Variants in PTGES3L observed in about 807,000 individuals in gnomAD.
PTGES3L encodes the protein prostaglandin E synthase 3 like, also known as putative protein PTGES3L.
A neutral mutation model predicts 25.0 loss-of-function variants in PTGES3L; 17 were observed. The observed-to-expected ratio is 0.68, with a 90% CI of 0.47 to 1.02. The LOEUF (loss-of-function observed/expected upper bound fraction) is 1.02. Ranked by LOEUF, PTGES3L falls within the 50% of genes least tolerant of loss-of-function variation. The pLI is 0.00. For missense variants in PTGES3L, 202 were observed against 197.5 expected (o/e 1.02, Z -0.14); for synonymous variants, 59 against 65.7 (o/e 0.90, Z 0.50).
intron 1 of PTGES3L, 29 bp downstream of exon 1, chr17:42,980,016 AG>A: frequency 6.5e-7 from 1 of 1,543,720 alleles, no homozygotes. Flanking sequence ...GAAAAGGGCC[AG>A]GGGGAGCACC....
rs1022824133 is a variant in PTGES3L at position 42,968,725 on chromosome 17, G to C, written c.*423C>G. 6.3e-6 allele frequency: 1 copy of C among 157,542 alleles called. No individual in the cohort carries two copies. Among genetic ancestry groups the C allele is most frequent in the Non-Finnish European group, 1.4e-5 (1 of 71,824 alleles). The allele number at this position is 157,542 out of a possible 1,614,324, so 9.8% of individuals were successfully genotyped here. A position where few individuals can be genotyped will look rare whatever the true frequency, so the allele number is the denominator to read the frequency against. On this transcript the variant is annotated 3_prime_UTR_variant, in exon 7 of 7. Coordinates refer to ENST00000591916, the MANE Select transcript of PTGES3L (RefSeq NM_001261430.2). ...TAAGTACAAGAAGGAAACAGACAGA[G>C]AACAGTTCCTAGAGATTTATTATAA...
At chr17:42,974,251 T>C (rs974462717) in intron 4 of PTGES3L, among the ~76,000 whole-genome samples, 1 of 151,062 alleles carries the variant, frequency 6.6e-6, no homozygotes, top group Non-Finnish European at 1.5e-5. Flanking sequence ...TCCCAGCTAC[T>C]TGGGAGGCTG....
At chr17:42,973,772 T>C (rs1467045867) in intron 4 of PTGES3L, among the ~76,000 whole-genome samples, 1 of 149,456 alleles carries the variant, frequency 6.7e-6, no homozygotes, top group African/African-American at 2.5e-5. Flanking sequence ...AGATGTGCTT[T>C]GTTAAACAGA....
At chr17:42,969,676 ACAGGCGTGAGCCAC>A (rs1191750705) in intron 6 of PTGES3L, among the ~76,000 whole-genome samples, 2 of 151,462 alleles carry the variant, frequency 1.3e-5, no homozygotes, top group Admixed American at 6.6e-5. Flanking sequence ...TGCTGGGATT[ACAGGCGTGAGCCAC>A]CACACCCACC....
intron 5 of PTGES3L, among the ~76,000 whole-genome samples, 189 bp from the exon 6 acceptor site, chr17:42,970,531 T>C (rs1296102060): frequency 6.6e-6 from 1 of 152,152 alleles, no homozygotes; most frequent in Non-Finnish European, 1.5e-5. Context: ...TTAACACAAA[T>C]CCAGATTGGA....
At position 42,980,027 on chromosome 17, in the gene PTGES3L, C is replaced by A; in HGVS notation, c.8+19G>T. The stretch of plus-strand genomic sequence containing the variant: ...CAGGGAAAAGGGCCAGGGGGAGCAC[C>A]GGAGCCGGAAACACTCACCGTGCCA... On this transcript the variant is annotated intron_variant, in intron 1 of 6. Coordinates refer to ENST00000591916, the MANE Select transcript of PTGES3L (RefSeq NM_001261430.2). 1 of 1,546,666 alleles carries A rather than the reference C, an allele frequency of 6.5e-7. No individual in the cohort carries two copies. The highest frequency in any genetic ancestry group is 8.7e-7 in the Non-Finnish European group (1 of 1,145,138).
At chr17:42,978,688 C>A (rs1006934027) in intron 4 of PTGES3L, among the ~76,000 whole-genome samples, 2 of 142,452 alleles carry the variant, frequency 1.4e-5, no homozygotes, top group African/African-American at 5.0e-5. Flanking sequence ...ATGTTCTGCA[C>A]ATGTATCCCA....
At chr17:42,971,067 G>A (rs1429990163) in intron 5 of PTGES3L, among the ~76,000 whole-genome samples, 1 of 151,280 alleles carries the variant, frequency 6.6e-6, no homozygotes, top group African/African-American at 2.4e-5. Flanking sequence ...GGAGGGTGAG[G>A]CAGGTGGATC....
At position 42,971,734 on chromosome 17, in the gene PTGES3L, G is replaced by A. The variant is rs779332264; in HGVS notation, c.289-38C>T. 2.4e-5 allele frequency: 38 copies of A among 1,609,042 alleles called. 1 individual carries two copies. In the Admixed American group the frequency reaches 6.3e-4, roughly 27 times the overall value. On this transcript the variant is annotated intron_variant, in intron 4 of 6. Transcript: ENST00000591916. ...GCACCAAGAGTCACAGGCCAGGAGG[G>A]CAGGAGCAGGAGTGTGTGGGAGAGT...
At chr17:42,972,521 G>C (rs1051470005) in intron 4 of PTGES3L, among the ~76,000 whole-genome samples, 1 of 152,164 alleles carries the variant, frequency 6.6e-6, no homozygotes. Context: ...ACGGGGTTTC[G>C]CTGTGTTGGC....
chr17:42,972,609 C>CTCGT (rs1313521633), intron 4 of PTGES3L, among the ~76,000 whole-genome samples: 2 of 152,122 alleles, frequency 1.3e-5, no homozygotes, highest in African/African-American at 4.8e-5. Context: ...CAGACGGAGT[C>CTCGT]TCGTTCACTC....
chr17:42,973,045 C>A (rs1390263851), intron 4 of PTGES3L, among the ~76,000 whole-genome samples: 1 of 143,334 alleles, frequency 7.0e-6, no homozygotes, highest in African/African-American at 2.6e-5. Flanking sequence ...GCGTCTCTGC[C>A]CGGCCGCCCC....
intron 4 of PTGES3L, among the ~76,000 whole-genome samples, chr17:42,973,718 A>T (rs1009172470): frequency 4.7e-5 from 7 of 149,102 alleles, no homozygotes; most frequent in Non-Finnish European, 8.9e-5. Flanking sequence ...TCTCTGAAAC[A>T]TGTGCTGTGT....
At chr17:42,976,195 G>T (rs1175665742) in intron 4 of PTGES3L, among the ~76,000 whole-genome samples, 2 of 151,764 alleles carry the variant, frequency 1.3e-5, no homozygotes, top group East Asian at 1.9e-4. Flanking sequence ...TGTTGGCCAG[G>T]CTGGTCTTGA....
At chr17:42,979,297 G>T (rs1276667639) in intron 3 of PTGES3L, 29 bp from the exon 4 acceptor site, 1 of 1,613,994 alleles carries the variant, frequency 6.2e-7, no homozygotes, top group East Asian at 2.2e-5. Context: ...CATTCTTAGG[G>T]TCTGGGGTTT....
rs2049775308 is a variant in PTGES3L, at chr17:42,968,654, C to T, written c.*494G>A. The T allele has an allele frequency of 6.5e-6, 1 of 152,900 alleles. No homozygotes were observed. The highest frequency in any genetic ancestry group is 6.6e-5 in the Admixed American group (1 of 15,252). The allele number at this position is 152,900 out of a possible 1,614,324, so 9.5% of individuals were successfully genotyped here. On this transcript the variant is annotated 3_prime_UTR_variant, in exon 7 of 7. Transcript: ENST00000591916. The stretch of plus-strand genomic sequence containing the variant: ...CACAAATCTGGGCAAGAGGAAGCAC[C>T]CCAGCTTGGTTACTAGAGGGAGAAG...
chr17:42,971,853 C>G (rs1027772734), intron 4 of PTGES3L, 157 bp from the exon 5 acceptor site: 7 of 635,072 alleles, frequency 1.1e-5, no homozygotes, highest in Non-Finnish European at 1.9e-5. Flanking sequence ...ACCTGCCAAT[C>G]TACACACAAA....
At chr17:42,969,359 A>G (rs1033324100) in intron 6 of PTGES3L, among the ~76,000 whole-genome samples, 173 bp from the exon 7 acceptor site, 1 of 150,742 alleles carries the variant, frequency 6.6e-6, no homozygotes, top group Admixed American at 6.6e-5. Flanking sequence ...TTGGATGTTA[A>G]GTAAACCAAC....
intron 4 of PTGES3L, among the ~76,000 whole-genome samples, chr17:42,975,431 A>G (rs6503721): frequency 0.61 from 92,280 of 151,942 alleles, 30,074 homozygotes; most frequent in East Asian, 0.84. Context: ...GGTTTTTGCA[A>G]AACAAACAAA....
Sources: allele counts gnomAD v4.1 joint callset (sites outside exome capture counted in the v4.1 genomes callset), GRCh38; gene constraint gnomAD v4.1.1; transcripts MANE v1.5; gene names NCBI Gene and HGNC (gene_info 2026-07-23, HGNC 2026-07-21).